Variants in CDH13 observed in about 807,000 individuals in gnomAD.
The protein encoded by CDH13 is cadherin-13.
A neutral mutation model predicts 63.8 loss-of-function variants in CDH13; 24 were observed. That is an observed-to-expected ratio of 0.38 (90% CI 0.27 to 0.53). CDH13 has a LOEUF of 0.53. Ranked by LOEUF, CDH13 falls within the 20% of genes least tolerant of loss-of-function variation. CDH13 has a pLI of 0.85. For missense variants in CDH13, 1,049 were observed against 903.1 expected (o/e 1.16, Z -2.07); for synonymous variants, 503 against 355.3 (o/e 1.42, Z -4.67).
intron 1 of CDH13, among the ~76,000 whole-genome samples, chr16:82,711,491 A>G (rs1052296828): frequency 6.6e-6 from 1 of 152,166 alleles, no homozygotes; most frequent in Admixed American, 6.5e-5. Flanking sequence ...TGTTTTAGGC[A>G]TGTGGGTTCA....
intron 4 of CDH13, among the ~76,000 whole-genome samples, chr16:83,167,061 A>G (rs995166651): frequency 6.6e-6 from 1 of 152,086 alleles, no homozygotes; most frequent in African/African-American, 2.4e-5. Context: ...ATAAGAAAAC[A>G]CGGCAGATTT....
chr16:82,911,973 C>T (rs959804571), intron 2 of CDH13, among the ~76,000 whole-genome samples: 3 of 152,004 alleles, frequency 2.0e-5, no homozygotes, highest in African/African-American at 7.2e-5. Flanking sequence ...ACCTCATGTG[C>T]TTGTGACCCA....
At chr16:83,575,593 T>C (rs1598315577) in intron 7 of CDH13, among the ~76,000 whole-genome samples, 1 of 152,176 alleles carries the variant, frequency 6.6e-6, no homozygotes, top group African/African-American at 2.4e-5. Context: ...CCTTTGCACA[T>C]GCTATTCATG....
intron 5 of CDH13, among the ~76,000 whole-genome samples, chr16:83,258,245 AT>A (rs938826697): frequency 3.9e-5 from 6 of 152,190 alleles, no homozygotes; most frequent in African/African-American, 1.4e-4. Context: ...ATATAAAAAC[AT>A]TTTTACCACC....
chr16:83,734,906 C>A lies in CDH13; in HGVS notation c.1539-13202C>A, dbSNP rs544581526. ...CAGCTCCTTGATTTTATCTGGGAGA[C>A]CTGATGGTTGGCTTCTTGAGAAAGG... On this transcript the variant is annotated intron_variant, in intron 10 of 13. Coordinates refer to ENST00000567109, the MANE Select transcript of CDH13 (RefSeq NM_001257.5). Among the ~76,000 whole-genome samples the A allele has an allele frequency of 7.9e-5, 12 of 151,130 alleles. No individual in the cohort carries two copies. In the Middle Eastern group the frequency reaches 0.01, roughly 131 times the overall value.
chr16:83,052,429 T>A (rs1278468972), intron 3 of CDH13, among the ~76,000 whole-genome samples: 1 of 152,128 alleles, frequency 6.6e-6, no homozygotes, highest in Non-Finnish European at 1.5e-5. Flanking sequence ...AGCAAATATG[T>A]TATGACAAAC....
chr16:83,068,222 C>T (rs964103631), intron 3 of CDH13, among the ~76,000 whole-genome samples: 1 of 152,192 alleles, frequency 6.6e-6, no homozygotes, highest in South Asian at 2.1e-4. Flanking sequence ...AAGTGCCAGA[C>T]ATCATTCTAA....
At chr16:83,218,858 G>C (rs529221430) in intron 5 of CDH13, among the ~76,000 whole-genome samples, 1 of 152,084 alleles carries the variant, frequency 6.6e-6, no homozygotes, top group African/African-American at 2.4e-5. Flanking sequence ...TGCTGTTCTC[G>C]TGATAGTGAA....
At chr16:83,736,359 C>T (rs1195308539) in intron 10 of CDH13, among the ~76,000 whole-genome samples, 2 of 152,042 alleles carry the variant, frequency 1.3e-5, no homozygotes, top group African/African-American at 2.4e-5. Context: ...ATGTTAAGGT[C>T]CTAGTCTCTC....
chr16:83,626,043 C>T (rs978337010), intron 8 of CDH13, among the ~76,000 whole-genome samples: 1 of 149,818 alleles, frequency 6.7e-6, no homozygotes, highest in Non-Finnish European at 1.5e-5. Flanking sequence ...CAGGGTCTCA[C>T]TCTGTTGCCC....
chr16:83,521,481 G>A (rs187542055), intron 7 of CDH13, among the ~76,000 whole-genome samples: 18 of 152,216 alleles, frequency 1.2e-4, no homozygotes, highest in African/African-American at 1.9e-4. Context: ...ACACCAATAC[G>A]GTGTCAACAA....
At chr16:82,846,369 A>G (rs1460769518) in intron 1 of CDH13, among the ~76,000 whole-genome samples, 2 of 152,012 alleles carry the variant, frequency 1.3e-5, no homozygotes, top group Non-Finnish European at 2.9e-5. Flanking sequence ...TAAGAAATAT[A>G]TATCAGCTAT....
chr16:83,647,048 C>T (rs1490514945), intron 8 of CDH13, among the ~76,000 whole-genome samples: 5 of 152,156 alleles, frequency 3.3e-5, no homozygotes, highest in African/African-American at 4.8e-5. Context: ...CGGTGGCTCA[C>T]GCCTGTAATC....
chr16:82,658,181 T>C (rs753932100), intron 1 of CDH13, among the ~76,000 whole-genome samples: 8 of 152,234 alleles, frequency 5.3e-5, no homozygotes, highest in Non-Finnish European at 1.0e-4. Flanking sequence ...TCTATTGATA[T>C]GTGCATATGA....
intron 7 of CDH13, among the ~76,000 whole-genome samples, chr16:83,567,898 A>G (rs969598562): frequency 2.6e-5 from 4 of 152,140 alleles, no homozygotes; most frequent in South Asian, 2.1e-4. Context: ...CCCGGCCTAG[A>G]CACAAGTTTT....
intron 1 of CDH13, among the ~76,000 whole-genome samples, chr16:82,701,904 C>T (rs537432230): frequency 6.6e-6 from 1 of 152,136 alleles, no homozygotes; most frequent in East Asian, 1.9e-4. Flanking sequence ...CTCTACCCAG[C>T]CACGTGGACT....
intron 2 of CDH13, among the ~76,000 whole-genome samples, chr16:82,977,565 T>C (rs1289708290): frequency 6.6e-6 from 1 of 152,140 alleles, no homozygotes; most frequent in Non-Finnish European, 1.5e-5. Flanking sequence ...GAAGGACATG[T>C]TTGTTTCCCC....
chr16:83,495,756 T>C, intron 7 of CDH13, among the ~76,000 whole-genome samples: 1 of 152,170 alleles, frequency 6.6e-6, no homozygotes, highest in East Asian at 1.9e-4. Context: ...TTTGAGACTT[T>C]TTGGCTTGTA....
intron 2 of CDH13, among the ~76,000 whole-genome samples, chr16:82,941,713 G>A (rs756207067): frequency 1.3e-4 from 20 of 152,016 alleles, no homozygotes; most frequent in Non-Finnish European, 2.8e-4. Flanking sequence ...AACCACCTCC[G>A]AGTTTTCTTT....
Sources: gnomAD v4.1 joint callset for allele counts (sites outside exome capture counted in the v4.1 genomes callset) on GRCh38, gnomAD v4.1.1 for gene constraint, MANE v1.5 for transcripts, NCBI Gene and HGNC (gene_info 2026-07-23, HGNC 2026-07-21) for gene names.